Variants in RCAN2 observed in about 807,000 individuals in gnomAD.
RCAN2 encodes regulator of calcineurin 2, also known as calcipressin-2.
In RCAN2, 9 loss-of-function variants were observed where a neutral mutation model predicts 23.6. That is an observed-to-expected ratio of 0.38 (90% confidence interval 0.23 to 0.67). RCAN2 has a LOEUF of 0.67. RCAN2 is among the 30% of genes least tolerant of loss of function. The pLI is 0.51. For missense variants in RCAN2, 273 were observed against 302.3 expected (o/e 0.90, Z 0.72); for synonymous variants, 109 against 115.7 (o/e 0.94, Z 0.37).
intron 2 of RCAN2, among the ~76,000 whole-genome samples, chr6:46,252,807 C>G (rs1399839671): frequency 6.6e-6 from 1 of 152,136 alleles, no homozygotes; most frequent in East Asian, 1.9e-4. Flanking sequence ...GTTGTTTTGA[C>G]TGAAGGGTAT....
At chr6:46,468,729 C>G in intron 1 of RCAN2, 88 of 620,878 alleles carry the variant, frequency 1.4e-4, no homozygotes, top group Non-Finnish European at 1.5e-4. Context: ...CCCTCAGATT[C>G]CCTCTCTCCC....
rs539989343 is a variant in RCAN2, at chr6:46,388,882, G to A, written c.225+67870C>T. On this transcript the variant is annotated intron_variant, in intron 2 of 4. Transcript: ENST00000371374. ...AAACCTAGATGACAGGTTGATAGGT[G>A]CAGCAAACCACCATGGCACGCGTAT... Among the ~76,000 whole-genome samples, 3 of 152,232 alleles carry A rather than the reference G, an allele frequency of 2.0e-5. No homozygotes were observed. In the South Asian group the frequency reaches 6.2e-4, roughly 32 times the overall value.
chr6:46,381,372 G>A (rs1346504525), intron 2 of RCAN2, among the ~76,000 whole-genome samples: 3 of 152,252 alleles, frequency 2.0e-5, no homozygotes, highest in East Asian at 1.9e-4. Context: ...CTGTGGCTCG[G>A]TTCTCTTATC....
intron 4 of RCAN2, among the ~76,000 whole-genome samples, chr6:46,224,896 G>C (rs1259754960): frequency 6.6e-6 from 1 of 151,258 alleles, no homozygotes; most frequent in East Asian, 1.9e-4. Context: ...CTGTTAACTC[G>C]TCATTTACAT....
chr6:46,299,046 A>T (rs953850745), intron 2 of RCAN2, among the ~76,000 whole-genome samples: 1 of 152,088 alleles, frequency 6.6e-6, no homozygotes, highest in African/African-American at 2.4e-5. Flanking sequence ...AGTGGGAGCT[A>T]AACACTGAAT....
intron 2 of RCAN2, among the ~76,000 whole-genome samples, chr6:46,284,807 G>A (rs1047088072): frequency 3.3e-5 from 5 of 151,662 alleles, no homozygotes; most frequent in Admixed American, 1.3e-4. Flanking sequence ...CCTTTTTCCT[G>A]TAGTTTATTT....
intron 2 of RCAN2, among the ~76,000 whole-genome samples, chr6:46,365,950 A>T (rs1561876575): frequency 6.6e-6 from 1 of 152,220 alleles, no homozygotes; most frequent in Non-Finnish European, 1.5e-5. Flanking sequence ...AATCTTCAGA[A>T]CAACTGACCC....
intron 2 of RCAN2, among the ~76,000 whole-genome samples, chr6:46,379,913 A>C (rs530229736): frequency 1.4e-4 from 22 of 152,330 alleles, no homozygotes; most frequent in Admixed American, 1.4e-3. Context: ...GCAGTTCAGC[A>C]TGAAGCATCA....
chr6:46,333,713 T>C (rs1764057292), intron 2 of RCAN2, among the ~76,000 whole-genome samples: 1 of 152,230 alleles, frequency 6.6e-6, no homozygotes, highest in South Asian at 2.1e-4. Flanking sequence ...AAGATGTGAT[T>C]ATCTCAGTGA....
chr6:46,316,163 T>C (rs190835543), intron 2 of RCAN2, among the ~76,000 whole-genome samples: 5 of 152,236 alleles, frequency 3.3e-5, no homozygotes, highest in Non-Finnish European at 7.4e-5. Flanking sequence ...AAGGTAGACT[T>C]CCCTGGCAAG....
At chr6:46,408,292 G>A (rs1372588193) in intron 2 of RCAN2, among the ~76,000 whole-genome samples, 2 of 152,162 alleles carry the variant, frequency 1.3e-5, no homozygotes, top group Non-Finnish European at 2.9e-5. Flanking sequence ...AGGCTAAACA[G>A]CTGTGATGAC....
At chr6:46,378,434 C>T (rs1240593604) in intron 2 of RCAN2, among the ~76,000 whole-genome samples, 1 of 152,128 alleles carries the variant, frequency 6.6e-6, no homozygotes, top group African/African-American at 2.4e-5. Context: ...ACTGTGTGAG[C>T]TTGAGATCTG....
intron 2 of RCAN2, among the ~76,000 whole-genome samples, chr6:46,332,204 C>A (rs565532022): frequency 9.9e-4 from 150 of 152,220 alleles, no homozygotes; most frequent in African/African-American, 3.5e-3. Context: ...AACTACAGAT[C>A]TATAAAGAAA....
intron 2 of RCAN2, among the ~76,000 whole-genome samples, chr6:46,436,280 T>G (rs569401889): frequency 1.3e-5 from 2 of 152,246 alleles, no homozygotes; most frequent in Non-Finnish European, 2.9e-5. Flanking sequence ...TGGCACAATC[T>G]CGGCTCACTG....
chr6:46,378,019 C>A (rs773221811), intron 2 of RCAN2, among the ~76,000 whole-genome samples: 38 of 152,186 alleles, frequency 2.5e-4, no homozygotes, highest in Non-Finnish European at 4.3e-4. Flanking sequence ...TCCATAATTA[C>A]CTGTATCCAC....
chr6:46,223,973 G>C (rs771709042), intron 4 of RCAN2, among the ~76,000 whole-genome samples: 1 of 152,206 alleles, frequency 6.6e-6, no homozygotes, highest in Non-Finnish European at 1.5e-5. Context: ...GTCTATTGCT[G>C]TTCATAAAGG....
At chr6:46,447,731 A>G (rs1307042859) in intron 2 of RCAN2, among the ~76,000 whole-genome samples, 2 of 151,900 alleles carry the variant, frequency 1.3e-5, no homozygotes, top group Admixed American at 1.3e-4. Context: ...AAAATTTAAC[A>G]AGATGTTTCT....
intron 2 of RCAN2, 133 bp downstream of exon 2, chr6:46,456,619 G>T (rs1371494576): frequency 1.5e-6 from 1 of 657,342 alleles, no homozygotes; most frequent in South Asian, 1.9e-5. Context: ...TCTTATCCTG[G>T]TACACATGCC....
intron 1 of RCAN2, chr6:46,468,739 CCT>C (rs1438601211): frequency 7.0e-6 from 6 of 854,562 alleles, no homozygotes; most frequent in Non-Finnish European, 8.4e-6. Context: ...CCCTCTCTCC[CCT>C]CTCTTCTCTC....
Sources: allele counts gnomAD v4.1 joint callset (sites outside exome capture counted in the v4.1 genomes callset), GRCh38; gene constraint gnomAD v4.1.1; transcripts MANE v1.5; gene names NCBI Gene and HGNC (gene_info 2026-07-23, HGNC 2026-07-21).